Variants in PLCH1 observed in about 807,000 individuals in gnomAD.
PLCH1 encodes phospholipase C eta 1, also known as 1-phosphatidylinositol 4,5-bisphosphate phosphodiesterase eta-1.
In PLCH1, 60 loss-of-function variants were observed where a neutral mutation model predicts 126.7. The ratio of observed to expected loss-of-function variants is 0.47; its 90% CI spans 0.38 to 0.59. The LOEUF is 0.59. Among genes scored for constraint, PLCH1 ranks in the 20% least tolerant of loss-of-function variants. PLCH1 has a pLI of 0.00. For synonymous variants in PLCH1, 719 were observed against 734.9 expected, an observed-to-expected ratio of 0.98 and a Z score of 0.35; for missense variants, 1,723 against 2,040.0, an observed-to-expected ratio of 0.84 and a Z score of 2.99.
In PLCH1 at chr3:155,485,764, A is replaced by C. The variant is rs937707531; in HGVS notation, c.2620-54T>G. On this transcript the variant is annotated intron_variant, in intron 21 of 22. Transcript: ENST00000460012. ...TTAAGCAAATGCCATCACATCAACA[A>C]CTTGCCTTGAAAATGACAGCTCCAT... The C allele has an allele frequency of 5.4e-6, 6 of 1,101,568 alleles. No individual in the cohort carries two copies. In the South Asian group the frequency reaches 7.2e-5, roughly 13 times the overall value. The allele number at this position is 1,101,568 out of a possible 1,614,324, so 68.2% of individuals were successfully genotyped here.
chr3:155,510,961 G>C (rs1387121936), intron 12 of PLCH1, among the ~76,000 whole-genome samples: 3 of 121,332 alleles, frequency 2.5e-5, no homozygotes, highest in South Asian at 2.9e-4. Context: ...TTTCCAACTT[G>C]GTTCCATTCT....
chr3:155,515,805 C>T (rs970030866), intron 11 of PLCH1, among the ~76,000 whole-genome samples: 4 of 152,156 alleles, frequency 2.6e-5, no homozygotes, highest in African/African-American at 7.2e-5. Context: ...GACCAACCCC[C>T]CAAAGGGAGG....
chr3:155,505,565 A>C (rs1718533236), intron 12 of PLCH1, among the ~76,000 whole-genome samples: 1 of 152,200 alleles, frequency 6.6e-6, no homozygotes, highest in South Asian at 2.1e-4. Flanking sequence ...GTATATGCCC[A>C]TAGATGCTAA....
At chr3:155,555,855 A>T (rs907540260) in intron 8 of PLCH1, among the ~76,000 whole-genome samples, 1 of 152,124 alleles carries the variant, frequency 6.6e-6, no homozygotes, top group Non-Finnish European at 1.5e-5. Flanking sequence ...TCATCATCTC[A>T]AACACCACCA....
chr3:155,740,317 A>G (rs1477742658), intron 1 of PLCH1, among the ~76,000 whole-genome samples: 2 of 151,758 alleles, frequency 1.3e-5, no homozygotes, highest in Non-Finnish European at 2.9e-5. Context: ...AGGCTGAGGC[A>G]GGAGAATCAC....
At chr3:155,590,679 G>T (rs1213562491) in intron 4 of PLCH1, among the ~76,000 whole-genome samples, 1 of 152,112 alleles carries the variant, frequency 6.6e-6, no homozygotes, top group Non-Finnish European at 1.5e-5. Flanking sequence ...GAACCCAGGA[G>T]GCGGAGCTTG....
chr3:155,527,271 T>A (rs1722074355), intron 10 of PLCH1, among the ~76,000 whole-genome samples: 1 of 152,310 alleles, frequency 6.6e-6, no homozygotes, highest in African/African-American at 2.4e-5. Flanking sequence ...TAATGATAAA[T>A]TTCTAAATAT....
chr3:155,670,958 G>A (rs1743368717), intron 2 of PLCH1, among the ~76,000 whole-genome samples: 1 of 152,132 alleles, frequency 6.6e-6, no homozygotes, highest in Non-Finnish European at 1.5e-5. Context: ...CCTGTCGGCT[G>A]GGGAAAGGCA....
At chr3:155,725,830 G>A (rs1287239465) in intron 1 of PLCH1, among the ~76,000 whole-genome samples, 2 of 152,038 alleles carry the variant, frequency 1.3e-5, no homozygotes, top group African/African-American at 4.8e-5. Context: ...GTGATACAAT[G>A]GAATTTATTT....
intron 11 of PLCH1, among the ~76,000 whole-genome samples, chr3:155,522,884 C>T (rs1721301884): frequency 1.4e-5 from 2 of 146,998 alleles, no homozygotes; most frequent in Non-Finnish European, 3.0e-5. Flanking sequence ...AGCGATGAGG[C>T]ATCTTTTTAA....
intron 10 of PLCH1, among the ~76,000 whole-genome samples, chr3:155,543,277 A>C (rs1724663032): frequency 6.6e-6 from 1 of 152,234 alleles, no homozygotes; most frequent in Non-Finnish European, 1.5e-5. Flanking sequence ...CAATTTGAAG[A>C]AAGGGTATCA....
chr3:155,568,754 CTGTG>C (rs3068946), intron 6 of PLCH1, among the ~76,000 whole-genome samples: 2 of 147,176 alleles, frequency 1.4e-5, no homozygotes, highest in Non-Finnish European at 3.0e-5. Context: ...AAATGTACCT[CTGTG>C]TGTGTGTGTG....
chr3:155,513,611 C>T (rs1023279113), intron 12 of PLCH1, among the ~76,000 whole-genome samples: 12 of 151,936 alleles, frequency 7.9e-5, no homozygotes, highest in African/African-American at 2.2e-4. Context: ...TGGCTGGAGG[C>T]GAGGAGGGTG....
At chr3:155,566,124 T>C (rs1423327183) in intron 7 of PLCH1, among the ~76,000 whole-genome samples, 1 of 135,844 alleles carries the variant, frequency 7.4e-6, no homozygotes, top group East Asian at 2.0e-4. Flanking sequence ...TATATATATG[T>C]ATATATACAT....
intron 2 of PLCH1, among the ~76,000 whole-genome samples, chr3:155,601,277 T>C (rs2108679058): frequency 6.6e-6 from 1 of 152,230 alleles, no homozygotes; most frequent in South Asian, 2.1e-4. Context: ...GCACCTGGCC[T>C]ACAGGGTATT....
At chr3:155,611,411 T>TA (rs1299904346) in intron 2 of PLCH1, among the ~76,000 whole-genome samples, 2 of 151,156 alleles carry the variant, frequency 1.3e-5, no homozygotes, top group African/African-American at 4.9e-5. Flanking sequence ...TAAATACAAA[T>TA]AAAAAAACAA....
chr3:155,463,841 C>T (rs576420054), intron 21 of PLCH1, among the ~76,000 whole-genome samples: 1 of 152,206 alleles, frequency 6.6e-6, no homozygotes, highest in South Asian at 2.1e-4. Flanking sequence ...AAAAATGGAA[C>T]AAGATCCTGT....
chr3:155,491,524 A>G (rs1185314353), intron 18 of PLCH1, among the ~76,000 whole-genome samples: 2 of 152,112 alleles, frequency 1.3e-5, no homozygotes, highest in African/African-American at 4.8e-5. Flanking sequence ...CAGCCTCTCA[A>G]AGTGCTGGGA....
intron 21 of PLCH1, among the ~76,000 whole-genome samples, chr3:155,464,665 C>T (rs184266191): frequency 2.6e-5 from 4 of 152,278 alleles, no homozygotes; most frequent in African/African-American, 9.6e-5. Context: ...CCTTTTCCAT[C>T]CCTCCTGATA....
Sources: gnomAD v4.1 joint callset for allele counts (sites outside exome capture counted in the v4.1 genomes callset) on GRCh38, gnomAD v4.1.1 for gene constraint, MANE v1.5 for transcripts, NCBI Gene and HGNC (gene_info 2026-07-23, HGNC 2026-07-21) for gene names.